SMOC2: variants seen among roughly 807,000 people sequenced by gnomAD.
SMOC2 encodes the protein SPARC-related modular calcium-binding protein 2.
SMOC2 carries 39 observed loss-of-function variants against 61.4 expected under a neutral mutation model. That is an observed-to-expected ratio of 0.64 (90% CI 0.49 to 0.83). SMOC2 has a LOEUF of 0.83. Among genes scored for constraint, SMOC2 ranks in the 40% least tolerant of loss-of-function variants. SMOC2 has a pLI of 0.00. For missense variants in SMOC2, 556 were observed against 592.9 expected, an observed-to-expected ratio of 0.94 and a Z score of 0.65; for synonymous variants, 247 against 239.9, an observed-to-expected ratio of 1.03 and a Z score of -0.27.
chr6:168,649,138 A>G (rs1173951952), intron 9 of SMOC2, among the ~76,000 whole-genome samples: 2 of 152,156 alleles, frequency 1.3e-5, no homozygotes, highest in Non-Finnish European at 2.9e-5. Flanking sequence ...GAAGGCGGGG[A>G]AGGGGCCGTC....
chr6:168,579,321 C>G (rs1423645348), intron 7 of SMOC2, among the ~76,000 whole-genome samples: 1 of 152,258 alleles, frequency 6.6e-6, no homozygotes, highest in African/African-American at 2.4e-5. Context: ...GTGGCCCCCT[C>G]TGGCTATTGG....
At chr6:168,585,967 T>G (rs1176439349) in intron 7 of SMOC2, among the ~76,000 whole-genome samples, 1 of 152,198 alleles carries the variant, frequency 6.6e-6, no homozygotes, top group Non-Finnish European at 1.5e-5. Flanking sequence ...TTCTTAATGG[T>G]CTCTTTTGGT....
In SMOC2 at chr6:168,497,159, G is replaced by A. The variant is rs1014733170; in HGVS notation, c.85-12756G>A. 4.6e-5 allele frequency among the ~76,000 whole-genome samples: 7 copies of A among 152,364 alleles called. No homozygotes were observed. The East Asian group carries it at 1.2e-3, about 25-fold the overall frequency. On this transcript the variant is annotated intron_variant, in intron 1 of 12. Coordinates refer to ENST00000356284, the MANE Select transcript of SMOC2 (RefSeq NM_001166412.2). ...TGTGGTTAAGGGCCCTGGTTGGAAC[G>A]GAGGGCAGGGCCCGGGCCCCAAGCC... is the stretch of plus-strand genomic sequence containing the variant.
intron 9 of SMOC2, among the ~76,000 whole-genome samples, chr6:168,629,383 T>C (rs1786506747): frequency 6.6e-6 from 1 of 152,252 alleles, no homozygotes. Flanking sequence ...ACAGGCCTGC[T>C]GCTCTCCCAG....
chr6:168,514,365 G>A (rs2763232), intron 2 of SMOC2, among the ~76,000 whole-genome samples: 136,184 of 152,068 alleles, frequency 0.9, 61,893 homozygotes, highest in East Asian at 1. Flanking sequence ...ACAGTGGTGC[G>A]TTGGACAACT....
chr6:168,630,224 C>T (rs150149485), intron 9 of SMOC2, among the ~76,000 whole-genome samples: 1 of 152,318 alleles, frequency 6.6e-6, no homozygotes, highest in Admixed American at 6.5e-5. Context: ...ACAACAGAAG[C>T]CTGTCCTGTT....
At chr6:168,460,504 A>G (rs1292141596) in intron 1 of SMOC2, among the ~76,000 whole-genome samples, 3 of 152,092 alleles carry the variant, frequency 2.0e-5, no homozygotes, top group Non-Finnish European at 4.4e-5. Context: ...AAACTAGTCT[A>G]TTTTCCATTT....
intron 12 of SMOC2, chr6:168,664,970 G>A (rs1049748769): frequency 8.3e-6 from 3 of 359,850 alleles, no homozygotes; most frequent in Non-Finnish European, 1.7e-5. Context: ...AAGTGGAGGC[G>A]GCCAGCACAC....
chr6:168,567,085 T>A (rs1465408907), intron 7 of SMOC2, among the ~76,000 whole-genome samples: 1 of 152,236 alleles, frequency 6.6e-6, no homozygotes, highest in Non-Finnish European at 1.5e-5. Flanking sequence ...CTAAAAGGCA[T>A]TTTTTCTCTT....
intron 1 of SMOC2, among the ~76,000 whole-genome samples, chr6:168,442,466 G>A (rs1425310216): frequency 2.0e-5 from 3 of 152,262 alleles, no homozygotes; most frequent in Admixed American, 1.3e-4. Context: ...GGCTTGCAGG[G>A]TTTGCAAACC....
chr6:168,448,205 A>G (rs1346861358), intron 1 of SMOC2, among the ~76,000 whole-genome samples: 1 of 152,164 alleles, frequency 6.6e-6, no homozygotes, highest in East Asian at 1.9e-4. Flanking sequence ...ACTCTTTCAA[A>G]TTCTCTGCCA....
At chr6:168,599,086 C>A (rs1785412033) in intron 8 of SMOC2, 82 bp downstream of exon 8, 2 of 1,277,362 alleles carry the variant, frequency 1.6e-6, no homozygotes, top group Admixed American at 2.2e-5. Flanking sequence ...CCCCACTTCC[C>A]CCAACACACA....
In SMOC2 at chr6:168,547,139, T is replaced by C; in HGVS notation, c.532T>C (p.Leu178=). Residue 178 remains leucine, a synonymous_variant, in exon 6 of 13, where the codon TTG becomes CTG. Transcript: ENST00000356284. The stretch of plus-strand genomic sequence containing the variant: ...TTCAGATGATGCCGCAGCTCCAGCG[T>C]TGGAGACTCAGCCTCAAGGAGATGA... ...GKTDDAAAPA[L]ETQPQGDEED... is the part of the protein sequence containing the mutation. 4 of 1,614,058 alleles carry C rather than the reference T, an allele frequency of 2.5e-6. No individual in the cohort carries two copies. Among genetic ancestry groups the C allele is most frequent in the Non-Finnish European group, 3.4e-6 (4 of 1,180,020 alleles).
chr6:168,445,190 G>T (rs1781304710), intron 1 of SMOC2, among the ~76,000 whole-genome samples: 2 of 152,114 alleles, frequency 1.3e-5, no homozygotes, highest in Non-Finnish European at 1.5e-5. Context: ...TTTCTTCGTG[G>T]GAGTTCCCTG....
chr6:168,602,487 C>T (rs1785576375), intron 8 of SMOC2, among the ~76,000 whole-genome samples: 1 of 152,064 alleles, frequency 6.6e-6, no homozygotes, highest in South Asian at 2.1e-4. Flanking sequence ...CGGTGGTTTC[C>T]CCTCACACTA....
intron 9 of SMOC2, among the ~76,000 whole-genome samples, chr6:168,617,712 A>C (rs755400886): frequency 1.3e-5 from 2 of 152,216 alleles, no homozygotes; most frequent in Non-Finnish European, 2.9e-5. Flanking sequence ...TGGAAACCCC[A>C]GATCTGGCCT....
chr6:168,649,485 G>A (rs1228729774), intron 9 of SMOC2, among the ~76,000 whole-genome samples: 1 of 152,190 alleles, frequency 6.6e-6, no homozygotes, highest in Non-Finnish European at 1.5e-5. Flanking sequence ...CAGGGCTGGT[G>A]CCTGGCTTCT....
intron 7 of SMOC2, among the ~76,000 whole-genome samples, chr6:168,568,920 G>T (rs1314691535): frequency 6.6e-6 from 1 of 152,152 alleles, no homozygotes; most frequent in Non-Finnish European, 1.5e-5. Context: ...GTATTCCATT[G>T]TTTGGATGCA....
At chr6:168,529,722 C>T (rs2115079399) in intron 4 of SMOC2, among the ~76,000 whole-genome samples, 1 of 152,332 alleles carries the variant, frequency 6.6e-6, no homozygotes, top group East Asian at 1.9e-4. Flanking sequence ...CCCCCAAACA[C>T]AGAGAATTTA....
Sources: allele counts gnomAD v4.1 joint callset (sites outside exome capture counted in the v4.1 genomes callset), GRCh38; gene constraint gnomAD v4.1.1; transcripts MANE v1.5; gene names NCBI Gene and HGNC (gene_info 2026-07-23, HGNC 2026-07-21).